The following TBC1D1 variants were observed in gnomAD, a reference collection of about 807,000 sequenced individuals.
TBC1D1 encodes the protein TBC1 (tre-2/USP6, BUB2, cdc16) domain family, member 1.
In TBC1D1, 89 loss-of-function variants were observed where a neutral mutation model predicts 125.6. The observed-to-expected ratio is 0.71, with a 90% CI of 0.60 to 0.85. The LOEUF (loss-of-function observed/expected upper bound fraction) is 0.85. Ranked by LOEUF, TBC1D1 falls within the 40% of genes least tolerant of loss-of-function variation. The pLI, the probability that TBC1D1 is intolerant of heterozygous loss-of-function variation, is 0.00. For missense variants in TBC1D1, 1,377 were observed against 1,469.2 expected, an observed-to-expected ratio of 0.94 and a Z score of 1.03; for synonymous variants, 565 against 564.1, an observed-to-expected ratio of 1.00 and a Z score of -0.02.
At chr4:38,034,978 C>T (rs923125247) in intron 7 of TBC1D1, among the ~76,000 whole-genome samples, 8 of 152,202 alleles carry the variant, frequency 5.3e-5, no homozygotes, top group African/African-American at 1.4e-4. Context: ...TCACACTTCT[C>T]GGCAGCAGCC....
rs566226481 is a variant in TBC1D1, at chr4:38,126,641, C to T, written c.3132+1510C>T. ...GAGAGCCTCTCCATCTCTTTTCCTT[C>T]CCTGGAACACTCTTCTTGATGTGGA... is the stretch of plus-strand genomic sequence containing the variant. On this transcript the variant is annotated intron_variant, in intron 18 of 19. Coordinates refer to ENST00000261439, the MANE Select transcript of TBC1D1 (RefSeq NM_015173.4). Among the ~76,000 whole-genome samples the T allele has an allele frequency of 2.6e-5, 4 of 152,352 alleles. No individual in the cohort carries two copies. The South Asian group carries it at 8.3e-4, about 32-fold the overall frequency.
chr4:38,053,106 C>T (rs1027569022), intron 11 of TBC1D1: 1 of 1,455,538 alleles, frequency 6.9e-7, no homozygotes. Context: ...AAACTCTTAG[C>T]ATCTCCTACC....
intron 16 of TBC1D1, among the ~76,000 whole-genome samples, chr4:38,117,733 C>T (rs1763206629): frequency 6.6e-6 from 1 of 152,170 alleles, no homozygotes. Flanking sequence ...GAAATGTTTG[C>T]ACAAGACAGA....
In TBC1D1 at chr4:38,125,087, C is replaced by T; in HGVS notation, c.3088C>T (p.Leu1030=). The change falls in exon 18 of 20, where the codon CTA becomes TTA. Residue 1030 remains leucine (L), a synonymous_variant. Transcript: ENST00000261439. ...CATAGTTGACTTTATAAAAAGCACG[C>T]TACCCAACCTTGGCTTGGTACAGAT... is the stretch of plus-strand genomic sequence containing the variant. 1 of 1,614,098 alleles carries T rather than the reference C, an allele frequency of 6.2e-7. No individual in the cohort carries two copies. Among genetic ancestry groups the T allele is most frequent in the South Asian group, 1.1e-5 (1 of 91,058 alleles).
chr4:38,052,143 AT>A, intron 11 of TBC1D1, 83 bp downstream of exon 12: 3 of 1,374,910 alleles, frequency 2.2e-6, no homozygotes, highest in Non-Finnish European at 3.0e-6. Flanking sequence ...AATGGGGGGA[AT>A]GTCCATGCAG....
chr4:38,085,604 C>T (rs1436948546), intron 12 of TBC1D1, among the ~76,000 whole-genome samples: 2 of 152,190 alleles, frequency 1.3e-5, no homozygotes, highest in Admixed American at 6.5e-5. Context: ...GCTCAGCCTC[C>T]GCTGCACTGA....
At chr4:37,964,545 A>G (rs748525498) in intron 2 of TBC1D1, among the ~76,000 whole-genome samples, 3 of 152,170 alleles carry the variant, frequency 2.0e-5, no homozygotes, top group Non-Finnish European at 4.4e-5. Flanking sequence ...GAAAGGACCA[A>G]TGTGCCTGCC....
intron 2 of TBC1D1, among the ~76,000 whole-genome samples, chr4:37,908,933 T>A (rs568862514): frequency 7.2e-5 from 11 of 152,350 alleles, no homozygotes; most frequent in African/African-American, 2.6e-4. Flanking sequence ...TTCCTTTTAA[T>A]GTCCTTTGAC....
intron 8 of TBC1D1, among the ~76,000 whole-genome samples, chr4:38,036,546 T>G (rs1747251786): frequency 6.6e-6 from 1 of 152,212 alleles, no homozygotes; most frequent in Admixed American, 6.5e-5. Flanking sequence ...ACGTACGTGT[T>G]CCAAAGACAC....
chr4:37,950,514 A>C (rs995035160), intron 2 of TBC1D1, among the ~76,000 whole-genome samples: 5 of 144,592 alleles, frequency 3.5e-5, no homozygotes, highest in African/African-American at 1.3e-4. Context: ...TTTTTAGAGT[A>C]GTTTTAGGTT....
At chr4:37,971,404 CAGG>C (rs1731991989) in intron 2 of TBC1D1, among the ~76,000 whole-genome samples, 1 of 152,066 alleles carries the variant, frequency 6.6e-6, no homozygotes, top group African/African-American at 2.4e-5. Context: ...CGGCAACAGA[CAGG>C]AGAAGAATTG....
chr4:38,079,663 G>A lies in TBC1D1; in HGVS notation c.2051-10269G>A, dbSNP rs117530323. On this transcript the variant is annotated intron_variant, in intron 12 of 19. Transcript: ENST00000261439. ...AATCACTTGAACCCTGGAAGGCGGA[G>A]GTTGCAATGAGCCAAGATTGTGCCA... Among the ~76,000 whole-genome samples the A allele has an allele frequency of 6.9e-4, 105 of 152,214 alleles. 2 individuals carry two copies. In the East Asian group the frequency reaches 0.018, roughly 25 times the overall value.
chr4:37,940,273 C>A (rs1222927273), intron 2 of TBC1D1, among the ~76,000 whole-genome samples: 3 of 152,110 alleles, frequency 2.0e-5, no homozygotes, highest in African/African-American at 7.2e-5. Flanking sequence ...GTATTTTATT[C>A]TCTTTGAAGC....
At chr4:38,000,363 G>T (rs1161787281) in intron 2 of TBC1D1, among the ~76,000 whole-genome samples, 1 of 152,138 alleles carries the variant, frequency 6.6e-6, no homozygotes, top group Non-Finnish European at 1.5e-5. Context: ...ATTACAGATG[G>T]AGTATCCCTT....
chr4:37,944,218 A>G (rs577313838), intron 2 of TBC1D1, among the ~76,000 whole-genome samples: 2 of 152,296 alleles, frequency 1.3e-5, no homozygotes, highest in East Asian at 3.9e-4. Context: ...AGGGGTACCC[A>G]GCCATGTGAG....
intron 2 of TBC1D1, among the ~76,000 whole-genome samples, chr4:37,988,098 G>A (rs1322225551): frequency 1.3e-5 from 2 of 152,232 alleles, no homozygotes; most frequent in East Asian, 1.9e-4. Context: ...TTGGCATCAC[G>A]TGAGCTGATG....
Position 38,133,188 on chromosome 4 carries a change from A to G in TBC1D1, c.3237A>G (p.Arg1079=), listed in dbSNP as rs530106494. The G allele has an allele frequency of 3.8e-5, 62 of 1,614,252 alleles. 1 individual carries two copies. The South Asian group carries it at 6.8e-4, about 18-fold the overall frequency. ...CCTCTCCTCTCAGTGACAACCAAAGAATGGATAAATTAGAGAAAACCAACA... is the reference window on the plus strand; with the variant it reads ...CCTCTCCTCTCAGTGACAACCAAAGGATGGATAAATTAGAGAAAACCAACA... Residue 1079 remains arginine (R), a synonymous_variant, in exon 19 of 20, where the codon AGA becomes AGG. Coordinates refer to ENST00000261439, the MANE Select transcript of TBC1D1 (RefSeq NM_015173.4).
At chr4:38,017,058 T>TG (rs33937259) in intron 3 of TBC1D1, among the ~76,000 whole-genome samples, 55,527 of 151,902 alleles carry the variant, frequency 0.37, 10,801 homozygotes, top group East Asian at 0.57. Context: ...TTGGATGCCA[T>TG]GGGGAAGGAG....
At chr4:37,904,324 A>G (rs892203322) in intron 2 of TBC1D1, among the ~76,000 whole-genome samples, 3 of 152,228 alleles carry the variant, frequency 2.0e-5, no homozygotes, top group Non-Finnish European at 2.9e-5. Flanking sequence ...TTCTGGTCAT[A>G]TTTGAGGAAC....
Sources: gnomAD v4.1 joint callset for allele counts (sites outside exome capture counted in the v4.1 genomes callset) on GRCh38, gnomAD v4.1.1 for gene constraint, MANE v1.5 for transcripts, NCBI Gene and HGNC (gene_info 2026-07-23, HGNC 2026-07-21) for gene names.